The following REPS1 variants were observed in gnomAD, a reference collection of about 807,000 sequenced individuals.
REPS1 encodes the protein ralBP1-associated Eps domain-containing protein 1.
Under a neutral mutation model 100.9 loss-of-function variants are expected in REPS1, and 39 were observed. The observed-to-expected ratio is 0.39, with a 90% confidence interval of 0.30 to 0.50. The LOEUF (loss-of-function observed/expected upper bound fraction) is 0.50. REPS1 is among the 20% of genes least tolerant of loss of function. The pLI, the probability that REPS1 is intolerant of heterozygous loss-of-function variation, is 0.86. For synonymous variants in REPS1, 324 were observed against 340.3 expected (o/e 0.95, Z 0.53); for missense variants, 821 against 968.5 (o/e 0.85, Z 2.02).
chr6:138,922,581 G>C (rs775343678), intron 10 of REPS1, among the ~76,000 whole-genome samples: 6 of 152,100 alleles, frequency 3.9e-5, no homozygotes, highest in Non-Finnish European at 7.4e-5. Context: ...GACACAGTAG[G>C]CCTGATCTTA....
At chr6:138,928,587 T>C (rs1316395235) in intron 9 of REPS1, 1 of 152,206 alleles carries the variant, frequency 6.6e-6, no homozygotes, top group Non-Finnish European at 1.5e-5. Flanking sequence ...CAAGTACTAC[T>C]ACCTGAATTT....
intron 1 of REPS1, among the ~76,000 whole-genome samples, chr6:138,950,299 T>A (rs1782930512): frequency 6.6e-6 from 1 of 151,906 alleles, no homozygotes; most frequent in Non-Finnish European, 1.5e-5. Flanking sequence ...CATGGTGAGA[T>A]CTCATCTATA....
At position 138,987,929 on chromosome 6, in the gene REPS1, A is replaced by ACTACGG. The variant is rs1294070015; in HGVS notation, c.-253_-248dup. 10 of 373,654 alleles carry ACTACGG rather than the reference A, an allele frequency of 2.7e-5. No homozygotes were observed. Among genetic ancestry groups the ACTACGG allele is most frequent in the Admixed American group, 4.7e-5 (1 of 21,356 alleles). The allele number at this position is 373,654 out of a possible 1,614,324, so 23.1% of individuals were successfully genotyped here. ...GCGCGCGGCTGCGGCTGCGGCTGCG[A>ACTACGG]CTACGGCTCCGGCTCCGGCTCCGGC... On this transcript the variant is annotated 5_prime_UTR_variant, in exon 1 of 20. Coordinates refer to ENST00000450536, the MANE Select transcript of REPS1 (RefSeq NM_001286611.2).
chr6:138,923,956 C>T (rs1780943139), intron 10 of REPS1, among the ~76,000 whole-genome samples: 1 of 152,088 alleles, frequency 6.6e-6, no homozygotes, highest in African/African-American at 2.4e-5. Context: ...TCTGAATGTG[C>T]CTTATTTACT....
At chr6:138,926,926 C>T (rs1299560884) in intron 9 of REPS1, 1 of 156,920 alleles carries the variant, frequency 6.4e-6, no homozygotes, top group African/African-American at 2.4e-5. Flanking sequence ...CAAAACAAAG[C>T]AAGTCAGTGC....
intron 1 of REPS1, among the ~76,000 whole-genome samples, chr6:138,977,936 C>T (rs1421283698): frequency 6.6e-6 from 1 of 152,196 alleles, no homozygotes; most frequent in Non-Finnish European, 1.5e-5. Context: ...TACAGCCACT[C>T]TGGTCAGTGT....
chr6:138,955,457 A>AGTGTGTGTGTGTGTGTGTGTGTGT (rs1554294151), intron 1 of REPS1, among the ~76,000 whole-genome samples: 1 of 90,720 alleles, frequency 1.1e-5, no homozygotes, highest in Non-Finnish European at 2.0e-5. Flanking sequence ...AAAAAAAAAA[A>AGTGTGTGTGTGTGTGTGTGTGTGT]GTGTGTGTGT....
chr6:138,917,789 A>C lies in REPS1; in HGVS notation c.1529-162T>G. On this transcript the variant is annotated intron_variant, in intron 12 of 19. Transcript: ENST00000450536. ...CTAGTGTTATTAACTGTAAAAAATT[A>C]ACTACAAATAAATCATGGCATATTT... 8.7e-6 allele frequency: 5 copies of C among 574,128 alleles called. No homozygotes were observed. In the South Asian group the frequency reaches 9.5e-5, roughly 11 times the overall value. The allele number at this position is 574,128 out of a possible 1,614,324, so 35.6% of individuals were successfully genotyped here.
At chr6:138,952,431 C>T (rs1264922653) in intron 1 of REPS1, among the ~76,000 whole-genome samples, 1 of 151,544 alleles carries the variant, frequency 6.6e-6, no homozygotes, top group Non-Finnish European at 1.5e-5. Flanking sequence ...CAGAGTCCTG[C>T]TCTGTCACCC....
In REPS1 at chr6:138,972,548, G is replaced by A. The variant is rs544601610; in HGVS notation, c.153+14982C>T. Reference sequence around the variant, plus strand: ...ACTAAATTAAATGAGAAACTCCACTGACCTGTTTTCTTATTTAGACTACAT... The same window carrying A: ...ACTAAATTAAATGAGAAACTCCACTAACCTGTTTTCTTATTTAGACTACAT... On this transcript the variant is annotated intron_variant, in intron 1 of 19. Transcript: ENST00000450536. 4.6e-5 allele frequency among the ~76,000 whole-genome samples: 7 copies of A among 152,126 alleles called. No homozygotes were observed. In the South Asian group the frequency reaches 1.2e-3, roughly 27 times the overall value.
rs188316177 is a variant in REPS1, at chr6:138,956,638, C to G, written c.154-8725G>C. 2.2e-3 allele frequency among the ~76,000 whole-genome samples: 334 copies of G among 152,154 alleles called. 1 individual carries two copies. Among genetic ancestry groups the G allele is most frequent in the Non-Finnish European group, 3.6e-3 (242 of 68,012 alleles). On this transcript the variant is annotated intron_variant, in intron 1 of 19. Coordinates refer to ENST00000450536, the MANE Select transcript of REPS1 (RefSeq NM_001286611.2). Reference sequence around the variant, plus strand: ...CCACCCCACCTAAAAGAAAAGACAGCCTTTTAAGAAGCTATTCCCTGCCCC... The same window carrying G: ...CCACCCCACCTAAAAGAAAAGACAGGCTTTTAAGAAGCTATTCCCTGCCCC...
intron 13 of REPS1, among the ~76,000 whole-genome samples, chr6:138,917,302 T>G (rs750237710): frequency 1.3e-5 from 2 of 152,228 alleles, no homozygotes; most frequent in Non-Finnish European, 2.9e-5. Flanking sequence ...AAAAAGGACT[T>G]ATAAAACTTC....
intron 2 of REPS1, 86 bp downstream of exon 2, chr6:138,947,704 C>T (rs1448147058): frequency 8.3e-7 from 1 of 1,204,468 alleles, no homozygotes; most frequent in Admixed American, 2.8e-5. Flanking sequence ...ACTATAAGAT[C>T]AGAAAGACAC....
chr6:138,925,581 C>T (rs1000973670), intron 10 of REPS1, among the ~76,000 whole-genome samples: 1 of 151,234 alleles, frequency 6.6e-6, no homozygotes. Context: ...TTTAAAAATT[C>T]TGCCTTTACA....
intron 1 of REPS1, among the ~76,000 whole-genome samples, chr6:138,953,012 TTTTTAGTAGAA>T (rs1783139284): frequency 6.6e-6 from 1 of 151,872 alleles, no homozygotes; most frequent in Admixed American, 6.6e-5. Flanking sequence ...AAATTTTGTA[TTTTTAGTAGAA>T]ATGGGGTTTC....
chr6:138,910,596 C>T (rs895239665), intron 17 of REPS1, among the ~76,000 whole-genome samples: 1 of 152,068 alleles, frequency 6.6e-6, no homozygotes, highest in South Asian at 2.1e-4. Context: ...TCAAGTGATC[C>T]GCCTGCCTTG....
rs1780464619 is a variant in REPS1 at position 138,917,312 on chromosome 6, C to T, written c.1601+243G>A. ...GGTACAAAAAGGACTTATAAAACTT[C>T]TATCGTCAAGAAGTTATCACCTCTT... On this transcript the variant is annotated intron_variant, in intron 13 of 19. Coordinates refer to ENST00000450536, the MANE Select transcript of REPS1 (RefSeq NM_001286611.2). 2.0e-5 allele frequency among the ~76,000 whole-genome samples: 3 copies of T among 152,204 alleles called. No individual in the cohort carries two copies. The South Asian group carries it at 6.2e-4, about 31-fold the overall frequency.
chr6:138,965,100 A>G (rs1783942146), intron 1 of REPS1, among the ~76,000 whole-genome samples: 1 of 152,156 alleles, frequency 6.6e-6, no homozygotes, highest in Non-Finnish European at 1.5e-5. Context: ...GCTTTAGGAA[A>G]TATAAACTCC....
At chr6:138,919,854 A>G (rs1780637884) in intron 12 of REPS1, among the ~76,000 whole-genome samples, 2 of 148,176 alleles carry the variant, frequency 1.3e-5, no homozygotes, top group African/African-American at 5.0e-5. Context: ...ATAGCAGCAA[A>G]GACTTTTTTA....
Sources: allele counts gnomAD v4.1 joint callset (sites outside exome capture counted in the v4.1 genomes callset), GRCh38; gene constraint gnomAD v4.1.1; transcripts MANE v1.5; gene names NCBI Gene and HGNC (gene_info 2026-07-23, HGNC 2026-07-21).